SGCZ: variants seen among roughly 807,000 people sequenced by gnomAD.
The protein encoded by SGCZ is zeta-sarcoglycan.
A neutral mutation model predicts 41.3 loss-of-function variants in SGCZ; 40 were observed. The ratio of observed to expected loss-of-function variants is 0.97; its 90% CI spans 0.75 to 1.26. The LOEUF is 1.26. Ranked by LOEUF, SGCZ falls within the 50% of genes most tolerant of loss-of-function variation. The pLI is 0.00. For synonymous variants in SGCZ, 206 were observed against 137.5 expected (o/e 1.50, Z -3.49); for missense variants, 552 against 369.8 (o/e 1.49, Z -4.04).
intron 2 of SGCZ, among the ~76,000 whole-genome samples, chr8:14,388,720 T>C (rs1289213293): frequency 6.6e-6 from 1 of 151,904 alleles, no homozygotes; most frequent in Non-Finnish European, 1.5e-5. Flanking sequence ...CAAGCAATGA[T>C]GGAGTTATTA....
intron 1 of SGCZ, among the ~76,000 whole-genome samples, chr8:14,660,486 T>G (rs1020515054): frequency 6.7e-6 from 1 of 149,084 alleles, no homozygotes; most frequent in African/African-American, 2.5e-5. Context: ...GCAGGAGAAT[T>G]GCTTGAAACC....
chr8:14,492,510 C>T (rs1483402651), intron 2 of SGCZ, among the ~76,000 whole-genome samples: 2 of 152,164 alleles, frequency 1.3e-5, no homozygotes, highest in Non-Finnish European at 2.9e-5. Flanking sequence ...AAATTTGCAA[C>T]TCTAAATAAG....
intron 2 of SGCZ, among the ~76,000 whole-genome samples, chr8:14,549,586 A>C (rs1260349295): frequency 6.6e-6 from 1 of 152,140 alleles, no homozygotes; most frequent in African/African-American, 2.4e-5. Flanking sequence ...CAAGGTAAAT[A>C]AGAACAGCTT....
At chr8:14,108,350 T>C (rs1303535294) in intron 5 of SGCZ, 115 bp from the exon 6 acceptor site, 1 of 840,574 alleles carries the variant, frequency 1.2e-6, no homozygotes, top group South Asian at 1.6e-5. Flanking sequence ...AACAGGTACA[T>C]ATGATGTATT....
intron 1 of SGCZ, among the ~76,000 whole-genome samples, chr8:14,874,175 T>C (rs1237712933): frequency 6.6e-6 from 1 of 152,182 alleles, no homozygotes; most frequent in African/African-American, 2.4e-5. Flanking sequence ...AAGAAAAGTA[T>C]GCTCTGTAAT....
At chr8:14,867,713 G>A (rs1407937655) in intron 1 of SGCZ, among the ~76,000 whole-genome samples, 1 of 152,198 alleles carries the variant, frequency 6.6e-6, no homozygotes, top group East Asian at 1.9e-4. Context: ...TGGGAGCTAA[G>A]TGATGTGAAC....
intron 2 of SGCZ, among the ~76,000 whole-genome samples, chr8:14,406,235 G>A (rs1799208804): frequency 1.3e-5 from 2 of 152,062 alleles, no homozygotes; most frequent in South Asian, 2.1e-4. Flanking sequence ...ATCTTCCGAT[G>A]TCGGGCTCAG....
chr8:14,133,629 A>T (rs1585165038), intron 5 of SGCZ, among the ~76,000 whole-genome samples: 1 of 152,180 alleles, frequency 6.6e-6, no homozygotes, highest in Non-Finnish European at 1.5e-5. Context: ...AAAACTCCTC[A>T]AAGATTTTTA....
intron 1 of SGCZ, among the ~76,000 whole-genome samples, chr8:15,023,325 T>C (rs1803324524): frequency 6.6e-6 from 1 of 152,098 alleles, no homozygotes; most frequent in Admixed American, 6.6e-5. Flanking sequence ...GAAGGGAGTG[T>C]CTACCGTGAA....
In SGCZ at chr8:14,764,523, T is replaced by C. The variant is rs139018335; in HGVS notation, c.40-209597A>G. Among the ~76,000 whole-genome samples, 369 of 123,848 alleles carry C rather than the reference T, an allele frequency of 3.0e-3. 4 individuals carry two copies. Among genetic ancestry groups the C allele is most frequent in the African/African-American group, 0.011 (348 of 32,942 alleles). 81.2% of individuals were successfully genotyped at this position (123,848 alleles called of 152,430 possible). The stretch of plus-strand genomic sequence containing the variant: ...TACACAGTATTCTTGCCAAAAGGAT[T>C]CTACCATAGATCTACACCTGCAGAA... On this transcript the variant is annotated intron_variant, in intron 1 of 7. Transcript: ENST00000382080.
At chr8:14,573,189 C>CTTTTTTT (rs35000758) in intron 1 of SGCZ, among the ~76,000 whole-genome samples, 1 of 76,464 alleles carries the variant, frequency 1.3e-5, no homozygotes, top group Non-Finnish European at 2.3e-5. Flanking sequence ...CTTAGCAAGT[C>CTTTTTTT]TTTTTTTTTT....
intron 1 of SGCZ, among the ~76,000 whole-genome samples, chr8:14,943,183 C>A (rs1015452901): frequency 5.9e-5 from 9 of 152,266 alleles, no homozygotes; most frequent in African/African-American, 2.2e-4. Flanking sequence ...TAAGTGTGAG[C>A]AAAGGATCCA....
intron 2 of SGCZ, among the ~76,000 whole-genome samples, chr8:14,431,662 G>C (rs925095838): frequency 6.6e-6 from 1 of 152,104 alleles, no homozygotes; most frequent in Non-Finnish European, 1.5e-5. Context: ...AAAATCAAAT[G>C]CAATAAACAT....
At chr8:14,317,763 A>G (rs925278354) in intron 3 of SGCZ, among the ~76,000 whole-genome samples, 1 of 151,922 alleles carries the variant, frequency 6.6e-6, no homozygotes, top group Non-Finnish European at 1.5e-5. Flanking sequence ...TTTTGCCATA[A>G]AAGTCATGGC....
intron 5 of SGCZ, among the ~76,000 whole-genome samples, chr8:14,131,891 G>T (rs567234470): frequency 5.9e-5 from 9 of 152,194 alleles, no homozygotes; most frequent in East Asian, 3.9e-4. Flanking sequence ...TAACCTAGGA[G>T]CAGTAGGTTA....
intron 5 of SGCZ, among the ~76,000 whole-genome samples, chr8:14,126,321 C>G (rs1802858401): frequency 6.6e-6 from 1 of 152,128 alleles, no homozygotes; most frequent in East Asian, 1.9e-4. Context: ...GGGCAAAGGA[C>G]ATGAACAGAC....
At chr8:15,061,469 T>C (rs553271457) in intron 1 of SGCZ, among the ~76,000 whole-genome samples, 21 of 151,330 alleles carry the variant, frequency 1.4e-4, no homozygotes, top group Middle Eastern at 3.4e-3. Flanking sequence ...CACCATGGCA[T>C]GTGTATACCT....
intron 1 of SGCZ, among the ~76,000 whole-genome samples, chr8:14,709,499 G>A (rs1395059171): frequency 6.6e-6 from 1 of 152,196 alleles, no homozygotes; most frequent in Admixed American, 6.5e-5. Flanking sequence ...ATCTCTTGGA[G>A]GAGATATCAC....
chr8:14,947,767 C>A (rs1800501930), intron 1 of SGCZ, among the ~76,000 whole-genome samples: 1 of 152,136 alleles, frequency 6.6e-6, no homozygotes, highest in Non-Finnish European at 1.5e-5. Flanking sequence ...ATGCATGAGA[C>A]ATCAGGGCAT....
Sources: gnomAD v4.1 joint callset for allele counts (sites outside exome capture counted in the v4.1 genomes callset) on GRCh38, gnomAD v4.1.1 for gene constraint, MANE v1.5 for transcripts, NCBI Gene and HGNC (gene_info 2026-07-23, HGNC 2026-07-21) for gene names.